ADGRG3: variants seen among roughly 807,000 people sequenced by gnomAD.
The protein encoded by ADGRG3 is G protein-coupled receptor 97.
A neutral mutation model predicts 54.3 loss-of-function variants in ADGRG3; 39 were observed. The ratio of observed to expected loss-of-function variants is 0.72; its 90% CI spans 0.56 to 0.94. The LOEUF is 0.94. ADGRG3 is among the 40% of genes least tolerant of loss of function. The probability of loss-of-function intolerance (pLI) is 0.00; values close to 1 mark genes in which losing one functional copy is unlikely to be tolerated. For synonymous variants in ADGRG3, 312 were observed against 290.0 expected, an observed-to-expected ratio of 1.08 and a Z score of -0.77; for missense variants, 654 against 694.6, an observed-to-expected ratio of 0.94 and a Z score of 0.66.
intron 3 of ADGRG3, 88 bp from the exon 4 acceptor site, chr16:57,678,082 G>A: frequency 6.5e-7 from 1 of 1,535,514 alleles, no homozygotes; most frequent in East Asian, 2.3e-5. Context: ...CCTACCCAGT[G>A]TGCCTGCTTC....
upstream of ADGRG3, among the ~76,000 whole-genome samples, chr16:57,667,550 G>A (rs551287015): frequency 9.2e-5 from 14 of 152,368 alleles, no homozygotes; most frequent in East Asian, 9.6e-4. Flanking sequence ...CTCCGCCTGC[G>A]TCATCCATGA....
At chr16:57,687,582 CATATGTGGGAACTACTAGGTCTTCA>C (rs1251903891) in intron 11 of ADGRG3, among the ~76,000 whole-genome samples, 1 of 152,174 alleles carries the variant, frequency 6.6e-6, no homozygotes, top group Non-Finnish European at 1.5e-5. Flanking sequence ...AATGACAATG[CATATGTGGGAACTACTAGGTCTTCA>C]ATATGTGGGA....
At position 57,679,565 on chromosome 16, in the gene ADGRG3, G is replaced by C. The variant is rs78114277; in HGVS notation, c.628-251G>C. Among the ~76,000 whole-genome samples the C allele has an allele frequency of 5.3e-3, 813 of 152,174 alleles. 29 individuals are homozygous for C. In the East Asian group the frequency reaches 0.091, roughly 17 times the overall value. ...CTCCACACCCATGCTCCCCTGACAC[G>C]CACACATGCATGCAGACAGGCAAAC... On this transcript the variant is annotated intron_variant, in intron 5 of 11. Coordinates refer to ENST00000333493, the MANE Select transcript of ADGRG3 (RefSeq NM_170776.5).
At chr16:57,680,807 A>C (rs1386708639) in intron 8 of ADGRG3, among the ~76,000 whole-genome samples, 190 bp downstream of exon 8, 1 of 152,212 alleles carries the variant, frequency 6.6e-6, no homozygotes, top group Non-Finnish European at 1.5e-5. Context: ...GCAGAAACTC[A>C]ACTCAAATTG....
intron 8 of ADGRG3, among the ~76,000 whole-genome samples, 199 bp downstream of exon 8, chr16:57,680,816 T>A (rs1409834032): frequency 6.6e-6 from 1 of 152,172 alleles, no homozygotes; most frequent in Admixed American, 6.5e-5. Context: ...CAACTCAAAT[T>A]GGCTTAAACA....
chr16:57,678,934 G>A, intron 4 of ADGRG3: 1 of 562,160 alleles, frequency 1.8e-6, no homozygotes, highest in East Asian at 3.0e-5. Flanking sequence ...CTGGAGGCCA[G>A]CAATGGAGAG....
chr16:57,683,220 T>TC (rs2048408241), intron 8 of ADGRG3, among the ~76,000 whole-genome samples: 1 of 152,202 alleles, frequency 6.6e-6, no homozygotes, highest in Non-Finnish European at 1.5e-5. Flanking sequence ...GTGTTTTTTT[T>TC]CTTCTCTTCC....
At position 57,680,450 on chromosome 16, in the gene ADGRG3, G is replaced by T. The variant is rs1162627335; in HGVS notation, c.769-55G>T. 1.7e-5 allele frequency: 27 copies of T among 1,570,426 alleles called. No individual in the cohort carries two copies. In the African/African-American group the frequency reaches 3.4e-4, roughly 20 times the overall value. On this transcript the variant is annotated intron_variant, in intron 7 of 11. Coordinates refer to ENST00000333493, the MANE Select transcript of ADGRG3 (RefSeq NM_170776.5). ...GGAGGGGGCTGCCTGGTGGTCTTTG[G>T]GTATATGGGCCTGGCCTCCAACTGA...
chr16:57,682,666 C>T (rs2048395265), intron 8 of ADGRG3: 1 of 982,880 alleles, frequency 1.0e-6, no homozygotes, highest in African/African-American at 1.7e-5. Flanking sequence ...CAGGAAGCCC[C>T]CGGCTCCCCT....
intron 2 of ADGRG3, among the ~76,000 whole-genome samples, chr16:57,674,829 CAAA>C (rs56719808): frequency 1.2e-5 from 1 of 82,154 alleles, no homozygotes; most frequent in Non-Finnish European, 2.9e-5. Context: ...ACTGAAAATA[CAAA>C]AAAAAAAAAA....
intron 11 of ADGRG3, among the ~76,000 whole-genome samples, chr16:57,686,325 A>G (rs2048472026): frequency 6.6e-6 from 1 of 152,100 alleles, no homozygotes; most frequent in South Asian, 2.1e-4. Flanking sequence ...GGGAGGCACC[A>G]TGCCGTTTTA....
chr16:57,674,995 C>CAAAAAAAA (rs34536208), intron 2 of ADGRG3, among the ~76,000 whole-genome samples: 2 of 48,944 alleles, frequency 4.1e-5, no homozygotes, highest in African/African-American at 1.4e-4. Flanking sequence ...GACTCCATCT[C>CAAAAAAAA]AAAAAAAAAA....
At chr16:57,679,044 C>T in intron 4 of ADGRG3, 133 bp from the exon 5 acceptor site, 1 of 1,041,590 alleles carries the variant, frequency 9.6e-7, no homozygotes, top group South Asian at 1.6e-5. Flanking sequence ...TCCTTGGCTC[C>T]CTGGTCCCCT....
intron 2 of ADGRG3, among the ~76,000 whole-genome samples, chr16:57,674,130 C>T (rs1384745721): frequency 1.3e-5 from 2 of 151,946 alleles, no homozygotes; most frequent in Non-Finnish European, 2.9e-5. Context: ...AATGATTGCT[C>T]AGGCTTCAGG....
chr16:57,671,332 G>A (rs1278035698), intron 1 of ADGRG3, among the ~76,000 whole-genome samples: 1 of 86,340 alleles, frequency 1.2e-5, no homozygotes, highest in South Asian at 4.3e-4. Context: ...TAGAATAGGA[G>A]TTTTTTTTTT....
Position 57,680,631 on chromosome 16 carries a change from A to T in ADGRG3, c.881+14A>T. On this transcript the variant is annotated intron_variant, in intron 8 of 11. Transcript: ENST00000333493. ...TGCCTTTCTGAGGTGAGTGATCCCCACCTCCCCACCATGTCTCCCTCCCGC... is the reference window on the plus strand; with the variant it reads ...TGCCTTTCTGAGGTGAGTGATCCCCTCCTCCCCACCATGTCTCCCTCCCGC... 1 of 1,545,256 alleles carries T rather than the reference A, an allele frequency of 6.5e-7. No individual in the cohort carries two copies. Among genetic ancestry groups the T allele is most frequent in the Non-Finnish European group, 8.9e-7 (1 of 1,118,164 alleles).
chr16:57,680,165 C>T, intron 6 of ADGRG3, 100 bp from the exon 7 acceptor site: 2 of 579,202 alleles, frequency 3.5e-6, no homozygotes, highest in Non-Finnish European at 6.3e-6. Context: ...CTTACCCTCC[C>T]CTCCCTATAT....
chr16:57,676,734 G>A (rs182919531), intron 3 of ADGRG3, among the ~76,000 whole-genome samples: 1 of 152,320 alleles, frequency 6.6e-6, no homozygotes, highest in African/African-American at 2.4e-5. Context: ...GTGCAGTGGT[G>A]CACACCCGCA....
chr16:57,681,365 TG>T (rs200046915), intron 8 of ADGRG3, among the ~76,000 whole-genome samples: 9,009 of 117,564 alleles, frequency 0.077, 360 homozygotes, highest in Non-Finnish European at 0.095. Context: ...TGTGTGTGTG[TG>T]TGTGTGTGTG....
Sources: gnomAD v4.1 joint callset for allele counts (sites outside exome capture counted in the v4.1 genomes callset) on GRCh38, gnomAD v4.1.1 for gene constraint, MANE v1.5 for transcripts, NCBI Gene and HGNC (gene_info 2026-07-23, HGNC 2026-07-21) for gene names.